KLHL29: variants seen among roughly 807,000 people sequenced by gnomAD.
The protein encoded by KLHL29 is kelch like family member 29.
In KLHL29, 21 loss-of-function variants were observed where a neutral mutation model predicts 80.4. That is an observed-to-expected ratio of 0.26 (90% CI 0.19 to 0.38). The LOEUF is 0.38. Ranked by LOEUF, KLHL29 falls within the 10% of genes least tolerant of loss-of-function variation. The probability of loss-of-function intolerance (pLI) is 1.00; values close to 1 mark genes in which losing one functional copy is unlikely to be tolerated. For missense variants in KLHL29, 867 were observed against 1,223.9 expected (o/e 0.71, Z 4.35); for synonymous variants, 511 against 526.8 (o/e 0.97, Z 0.41).
At chr2:23,576,018 AG>A (rs914708922) in intron 3 of KLHL29, among the ~76,000 whole-genome samples, 9 of 152,120 alleles carry the variant, frequency 5.9e-5, no homozygotes, top group African/African-American at 2.2e-4. Context: ...AAATATGCTG[AG>A]GGGGGCCGCG....
chr2:23,474,193 T>C (rs979172090), intron 1 of KLHL29, among the ~76,000 whole-genome samples: 3 of 152,236 alleles, frequency 2.0e-5, no homozygotes, highest in Non-Finnish European at 2.9e-5. Context: ...ACCTTTCTCT[T>C]TTGTTCACTC....
intron 3 of KLHL29, among the ~76,000 whole-genome samples, chr2:23,595,820 T>C (rs1026156168): frequency 1.3e-5 from 2 of 152,150 alleles, no homozygotes; most frequent in East Asian, 3.9e-4. Context: ...TCCACCAGGA[T>C]CCCAGCTCTC....
At chr2:23,430,548 C>A (rs1412026993) in intron 1 of KLHL29, among the ~76,000 whole-genome samples, 1 of 152,202 alleles carries the variant, frequency 6.6e-6, no homozygotes, top group Non-Finnish European at 1.5e-5. Flanking sequence ...CTCTCTGGGC[C>A]CTCCAGCTGG....
rs1192971057 is a variant in KLHL29, at chr2:23,639,182, C to T, written c.329C>T (p.Ala110Val). Residue 110 changes from alanine to valine, a missense_variant, in exon 4 of 14, where the codon GCG (alanine) becomes GTG (valine). Physicochemically the swap from Ala to Val is moderately conservative, Grantham distance 64 (BLOSUM62 0). Transcript: ENST00000486442. Reference sequence around the variant, plus strand: ...GGGGACAGTCAGTCCCAGGGACTGGCGACCAGCATCCGGTGGGGGCAGACG... The same window carrying T: ...GGGGACAGTCAGTCCCAGGGACTGGTGACCAGCATCCGGTGGGGGCAGACG... ...SKGDSQSQGLATSIRWGQTPI... is the reference protein window; with the variant it reads ...SKGDSQSQGLVTSIRWGQTPI... 4.6e-5 allele frequency: 71 copies of T among 1,545,440 alleles called. No individual in the cohort carries two copies. The East Asian group carries it at 1.6e-3, about 35-fold the overall frequency.
intron 3 of KLHL29, among the ~76,000 whole-genome samples, chr2:23,606,189 GGA>G (rs757910245): frequency 1.4e-5 from 2 of 140,636 alleles, no homozygotes; most frequent in African/African-American, 2.7e-5. Flanking sequence ...AGAGAGAGAG[GGA>G]GAGAGAGAGG....
rs558713660 is a variant in KLHL29, at chr2:23,642,924, G to A, written c.940+74G>A. On this transcript the variant is annotated intron_variant, in intron 5 of 13. Coordinates refer to ENST00000486442, the MANE Select transcript of KLHL29 (RefSeq NM_052920.2). ...CCTGCGCGGTCACTGCAACACCACC[G>A]GGACAGGGGGTGCTTCATGCCAGCT... The A allele has an allele frequency of 1.2e-3, 1,820 of 1,500,146 alleles. 6 individuals are homozygous for A. The highest frequency in any genetic ancestry group is 3.1e-3 in the South Asian group (256 of 82,856). 92.9% of individuals were successfully genotyped at this position (1,500,146 alleles called of 1,614,324 possible). A position where few individuals can be genotyped will look rare whatever the true frequency, so the allele number is the denominator to read the frequency against.
In KLHL29 at chr2:23,596,986, T is replaced by G. The variant is rs556864504; in HGVS notation, c.285+34505T>G. On this transcript the variant is annotated intron_variant, in intron 3 of 13. Transcript: ENST00000486442. The surrounding 1 kb of genome is among the most constrained non-coding windows in gnomAD (Gnocchi z 4.4). ...AGCTAATGGTGAAGTCTCTTCCCAC[T>G]GAAAAGAGAAGCAAAATACTTTTCA... Among the ~76,000 whole-genome samples, 88 of 152,310 alleles carry G rather than the reference T, an allele frequency of 5.8e-4. No individual in the cohort carries two copies. The highest frequency in any genetic ancestry group is 1.9e-3 in the African/African-American group (79 of 41,560).
intron 1 of KLHL29, among the ~76,000 whole-genome samples, chr2:23,411,830 C>T (rs1019899317): frequency 1.3e-5 from 2 of 152,084 alleles, no homozygotes; most frequent in African/African-American, 2.4e-5. Flanking sequence ...ATCTGAGTCA[C>T]TTAGGGTTCT....
At chr2:23,521,106 A>G (rs1666088175) in intron 2 of KLHL29, among the ~76,000 whole-genome samples, 1 of 150,690 alleles carries the variant, frequency 6.6e-6, no homozygotes, top group African/African-American at 2.5e-5. Context: ...TCGATGGTGG[A>G]TATTCCTGTA....
At chr2:23,665,431 T>C (rs1413614890) in intron 5 of KLHL29, among the ~76,000 whole-genome samples, 1 of 152,194 alleles carries the variant, frequency 6.6e-6, no homozygotes, top group African/African-American at 2.4e-5. Context: ...CCTGAAGGGT[T>C]TGACACCCCT....
At chr2:23,507,226 C>CAA (rs1665625309) in intron 2 of KLHL29, 1 of 279,230 alleles carries the variant, frequency 3.6e-6, no homozygotes, top group East Asian at 1.2e-4. Flanking sequence ...CCATCAACAT[C>CAA]CAGATCCTGT....
intron 3 of KLHL29, among the ~76,000 whole-genome samples, chr2:23,568,606 C>T (rs1004259394): frequency 3.3e-5 from 5 of 152,232 alleles, no homozygotes; most frequent in African/African-American, 9.6e-5. Context: ...TTTCTAACCT[C>T]TTCCTGAGGC....
At chr2:23,646,468 T>C (rs1198842028) in intron 5 of KLHL29, among the ~76,000 whole-genome samples, 2 of 151,860 alleles carry the variant, frequency 1.3e-5, no homozygotes, top group African/African-American at 2.4e-5. Context: ...GAGTGAAGAG[T>C]CAGGCTGCAC....
intron 3 of KLHL29, among the ~76,000 whole-genome samples, chr2:23,638,097 A>AAAAAAAAAT (rs1372602582): frequency 3.3e-5 from 5 of 151,294 alleles, no homozygotes; most frequent in Non-Finnish European, 7.4e-5. Flanking sequence ...AAAAAAAAAA[A>AAAAAAAAAT]AAAAGACAAA....
chr2:23,679,765 G>A lies in KLHL29; in HGVS notation c.941-4634G>A, dbSNP rs183546865. On this transcript the variant is annotated intron_variant, in intron 5 of 13. Coordinates refer to ENST00000486442, the MANE Select transcript of KLHL29 (RefSeq NM_052920.2). ...GCACAAGTTGTTCTGCCAGCCTCCG[G>A]AGGAGGGCAGAGGGCAGAGGGTGTG... Among the ~76,000 whole-genome samples, 87 of 152,344 alleles carry A rather than the reference G, an allele frequency of 5.7e-4. No homozygotes were observed. In the East Asian group the frequency reaches 0.016, roughly 28 times the overall value.
intron 3 of KLHL29, among the ~76,000 whole-genome samples, chr2:23,597,421 T>A (rs1287399034): frequency 5.5e-5 from 5 of 91,612 alleles, no homozygotes; most frequent in African/African-American, 2.2e-4. Flanking sequence ...TTTTTTTTTT[T>A]TTTTTTTTTT....
At chr2:23,432,627 G>GCTTC (rs1367910438) in intron 1 of KLHL29, among the ~76,000 whole-genome samples, 1 of 152,244 alleles carries the variant, frequency 6.6e-6, no homozygotes, top group Non-Finnish European at 1.5e-5. Flanking sequence ...GGGATTGAGG[G>GCTTC]AGAAGGCAGC....
intron 3 of KLHL29, among the ~76,000 whole-genome samples, chr2:23,612,958 C>CA (rs1479914216): frequency 6.6e-6 from 1 of 151,380 alleles, no homozygotes; most frequent in Non-Finnish European, 1.5e-5. Context: ...GAAATAAATG[C>CA]AAAAAAGGCT....
chr2:23,519,821 G>A (rs1239983331), intron 2 of KLHL29, among the ~76,000 whole-genome samples: 1 of 152,142 alleles, frequency 6.6e-6, no homozygotes, highest in Non-Finnish European at 1.5e-5. Context: ...AGTGAGGAGG[G>A]AGCTTCCAGG....
Sources: allele counts gnomAD v4.1 joint callset (sites outside exome capture counted in the v4.1 genomes callset), GRCh38; gene constraint gnomAD v4.1.1; non-coding constraint Gnocchi (gnomAD v3.1); transcripts MANE v1.5; gene names NCBI Gene and HGNC (gene_info 2026-07-23, HGNC 2026-07-21).